The following PRKAR2B variants were observed in gnomAD, a reference collection of about 807,000 sequenced individuals.
The protein encoded by PRKAR2B is cAMP-dependent protein kinase type II-beta regulatory subunit.
A neutral mutation model predicts 49.9 loss-of-function variants in PRKAR2B; 14 were observed. That is an observed-to-expected ratio of 0.28 (90% CI 0.19 to 0.44). The LOEUF (loss-of-function observed/expected upper bound fraction) is 0.44, where lower values mean the gene tolerates loss of function less well. Among genes scored for constraint, PRKAR2B ranks in the 20% least tolerant of loss-of-function variants. The pLI is 1.00. For synonymous variants in PRKAR2B, 196 were observed against 197.7 expected (o/e 0.99, Z 0.07); for missense variants, 393 against 537.9 (o/e 0.73, Z 2.67).
chr7:107,133,366 TC>T (rs373942592), intron 4 of PRKAR2B, among the ~76,000 whole-genome samples: 3 of 152,204 alleles, frequency 2.0e-5, no homozygotes, highest in African/African-American at 7.2e-5. Flanking sequence ...TCATCTTTTT[TC>T]CCCATTTGAC....
chr7:107,049,056 T>TTCTTC (rs1395476483), intron 1 of PRKAR2B, among the ~76,000 whole-genome samples: 40 of 152,356 alleles, frequency 2.6e-4, no homozygotes, highest in African/African-American at 8.9e-4. Flanking sequence ...CTTAGAAGGT[T>TTCTTC]TACGGTAGGC....
At chr7:107,153,290 T>A in intron 8 of PRKAR2B, 39 bp downstream of exon 8, 1 of 1,441,304 alleles carries the variant, frequency 6.9e-7, no homozygotes. Context: ...TAGGGTTATA[T>A]TCCAAAAGGT....
intron 1 of PRKAR2B, among the ~76,000 whole-genome samples, chr7:107,060,356 A>G (rs926714256): frequency 6.6e-6 from 1 of 152,206 alleles, no homozygotes; most frequent in Admixed American, 6.5e-5. Flanking sequence ...CATCAGCAGT[A>G]TGAGTCCCTG....
rs953373376 is a variant in PRKAR2B at position 107,161,148 on chromosome 7, A to G, written c.*1566A>G. ...GTTAAAGTATGTAAAGTATAACTTC[A>G]GCCACATTTTTAGAACACTGTTTAA... is the stretch of plus-strand genomic sequence containing the variant. On this transcript the variant is annotated 3_prime_UTR_variant, in exon 11 of 11. Transcript: ENST00000265717. 6 of 152,236 alleles carry G rather than the reference A, an allele frequency of 3.9e-5. No individual in the cohort carries two copies. Among genetic ancestry groups the G allele is most frequent in the African/African-American group, 1.4e-4 (6 of 41,464 alleles). 9.4% of individuals were successfully genotyped at this position (152,236 alleles called of 1,614,324 possible).
chr7:107,134,739 A>T (rs1262556865), intron 4 of PRKAR2B, among the ~76,000 whole-genome samples: 1 of 152,188 alleles, frequency 6.6e-6, no homozygotes, highest in Non-Finnish European at 1.5e-5. Context: ...ATTCAATAGA[A>T]AAAGAATAGT....
intron 8 of PRKAR2B, among the ~76,000 whole-genome samples, chr7:107,156,683 G>A (rs1006202987): frequency 6.6e-6 from 1 of 152,138 alleles, no homozygotes; most frequent in African/African-American, 2.4e-5. Flanking sequence ...GCAGACGCCT[G>A]TAGTCCCAGC....
intron 4 of PRKAR2B, among the ~76,000 whole-genome samples, chr7:107,140,356 G>T (rs1342427719): frequency 2.0e-5 from 3 of 151,926 alleles, no homozygotes; most frequent in Non-Finnish European, 4.4e-5. Flanking sequence ...TTTCTTTTTT[G>T]TTCTGTTTTG....
chr7:107,155,792 A>G (rs2115678292), intron 8 of PRKAR2B, among the ~76,000 whole-genome samples: 1 of 152,334 alleles, frequency 6.6e-6, no homozygotes, highest in South Asian at 2.1e-4. Context: ...TTCTGCTATA[A>G]AGACACATGC....
intron 4 of PRKAR2B, among the ~76,000 whole-genome samples, chr7:107,136,857 A>T (rs1178409989): frequency 6.6e-6 from 1 of 152,212 alleles, no homozygotes; most frequent in East Asian, 1.9e-4. Flanking sequence ...AAACCTGTAC[A>T]CAGGTATTTG....
intron 2 of PRKAR2B, among the ~76,000 whole-genome samples, chr7:107,120,952 C>A (rs1233691547): frequency 6.6e-6 from 1 of 150,670 alleles, no homozygotes; most frequent in African/African-American, 2.4e-5. Flanking sequence ...TTTGCTATGG[C>A]TTAAAATCTT....
chr7:107,049,709 A>C (rs1793763928), intron 1 of PRKAR2B, among the ~76,000 whole-genome samples: 1 of 152,278 alleles, frequency 6.6e-6, no homozygotes, highest in East Asian at 1.9e-4. Flanking sequence ...GAATGAGCTT[A>C]TGTGGCAGTT....
chr7:107,112,166 T>A (rs1158941494), intron 2 of PRKAR2B, among the ~76,000 whole-genome samples: 1 of 123,888 alleles, frequency 8.1e-6, no homozygotes, highest in African/African-American at 3.3e-5. Context: ...AGAGCAAGAC[T>A]GTGTCTCTAA....
intron 4 of PRKAR2B, among the ~76,000 whole-genome samples, chr7:107,131,796 T>G (rs1055936331): frequency 6.6e-6 from 1 of 152,206 alleles, no homozygotes; most frequent in East Asian, 1.9e-4. Context: ...TAAGCTCATA[T>G]TGTAAAGTAG....
At chr7:107,113,978 G>A (rs1041620179) in intron 2 of PRKAR2B, among the ~76,000 whole-genome samples, 1 of 152,128 alleles carries the variant, frequency 6.6e-6, no homozygotes, top group African/African-American at 2.4e-5. Context: ...TCTTAGAAAC[G>A]TTCTTTGTTG....
intron 8 of PRKAR2B, among the ~76,000 whole-genome samples, chr7:107,156,661 C>T (rs1297127867): frequency 6.6e-6 from 1 of 151,986 alleles, no homozygotes; most frequent in Admixed American, 6.6e-5. Flanking sequence ...AATAAATTAG[C>T]CGGGCGTGGT....
intron 1 of PRKAR2B, 101 bp from the exon 2 acceptor site, chr7:107,070,180 C>T: frequency 1.2e-5 from 9 of 724,088 alleles, no homozygotes; most frequent in Non-Finnish European, 1.3e-5. Context: ...TCATCTTTTT[C>T]TTTAGTTAAA....
At chr7:107,153,141 T>C in intron 7 of PRKAR2B, 36 bp from the exon 8 acceptor site, 10 of 1,533,088 alleles carry the variant, frequency 6.5e-6, no homozygotes, top group Non-Finnish European at 8.9e-6. Flanking sequence ...CCCAGTTAAT[T>C]TGTTTCTATT....
chr7:107,079,356 C>T (rs1052284300), intron 2 of PRKAR2B: 4 of 151,842 alleles, frequency 2.6e-5, no homozygotes, highest in Non-Finnish European at 4.4e-5. Context: ...GTGATACAAC[C>T]GTGGTGTGTG....
chr7:107,116,398 T>C (rs766654387), intron 2 of PRKAR2B, among the ~76,000 whole-genome samples: 13 of 152,190 alleles, frequency 8.5e-5, no homozygotes, highest in Non-Finnish European at 1.5e-4. Context: ...ACTGATGTTA[T>C]CATGATCATT....
Sources: allele counts gnomAD v4.1 joint callset (sites outside exome capture counted in the v4.1 genomes callset), GRCh38; gene constraint gnomAD v4.1.1; transcripts MANE v1.5; gene names NCBI Gene and HGNC (gene_info 2026-07-23, HGNC 2026-07-21).